Variants in TRAK1 observed in about 807,000 individuals in gnomAD.
TRAK1 encodes trafficking kinesin-binding protein 1.
A neutral mutation model predicts 92.1 loss-of-function variants in TRAK1; 33 were observed. The observed-to-expected ratio is 0.36, with a 90% CI of 0.27 to 0.48. The LOEUF is 0.48. Ranked by LOEUF, TRAK1 falls within the 20% of genes least tolerant of loss-of-function variation. TRAK1 has a pLI of 0.99. For missense variants in TRAK1, 1,123 were observed against 1,257.9 expected, an observed-to-expected ratio of 0.89 and a Z score of 1.62; for synonymous variants, 521 against 517.3, an observed-to-expected ratio of 1.01 and a Z score of -0.10.
intron 1 of TRAK1, among the ~76,000 whole-genome samples, chr3:42,037,342 A>T (rs1053625622): frequency 1.3e-5 from 2 of 152,038 alleles, no homozygotes; most frequent in African/African-American, 4.8e-5. Context: ...TGGCTTATGG[A>T]TTTTGTTTTC....
At chr3:42,060,027 T>A (rs1703362304) in intron 1 of TRAK1, among the ~76,000 whole-genome samples, 1 of 152,210 alleles carries the variant, frequency 6.6e-6, no homozygotes, top group Admixed American at 6.5e-5. Context: ...ATAAGAAATG[T>A]CTTTTCTTTT....
At chr3:42,192,400 A>ATTGCATTTCGTCAAAGTACTAAGTATT (rs1559905965) in intron 7 of TRAK1, among the ~76,000 whole-genome samples, 2 of 131,350 alleles carry the variant, frequency 1.5e-5, no homozygotes, top group South Asian at 4.7e-4. Context: ...TACTAAGTAT[A>ATTGCATTTCGTCAAAGTACTAAGTATT]TTGCATTTCG....
intron 10 of TRAK1, among the ~76,000 whole-genome samples, chr3:42,195,690 A>G (rs992869906): frequency 6.6e-6 from 1 of 152,152 alleles, no homozygotes; most frequent in Non-Finnish European, 1.5e-5. Context: ...AAGTCAGGCT[A>G]GAATAGCCAC....
At chr3:42,098,286 C>T (rs1011136524) in intron 1 of TRAK1, among the ~76,000 whole-genome samples, 1 of 152,042 alleles carries the variant, frequency 6.6e-6, no homozygotes, top group African/African-American at 2.4e-5. Context: ...AGAAGCTTTG[C>T]AGCATTCAGT....
At chr3:42,146,280 G>A (rs769216158) in intron 2 of TRAK1, 1 of 301,196 alleles carries the variant, frequency 3.3e-6, no homozygotes, top group Non-Finnish European at 6.8e-6. Context: ...TCACCCACTT[G>A]TCTTGCCATT....
At chr3:42,064,811 G>C (rs551034403) in intron 1 of TRAK1, among the ~76,000 whole-genome samples, 1 of 151,972 alleles carries the variant, frequency 6.6e-6, no homozygotes, top group South Asian at 2.1e-4. Context: ...CCAGCACTTT[G>C]GGAGGCCGAG....
rs1245906569 is a variant in TRAK1 at position 42,223,341 on chromosome 3, G to T, written c.2466G>T (p.Val822=). ...CAGCCAGCTCCATCCTGAGGGAAGT[G>T]AGAGAAAAGAACGTCCGCAGCAGCG... The part of the protein sequence containing the change: ...SKPASSILRE[V]REKNVRSSES... Residue 822 remains valine (V), a synonymous_variant, in exon 16 of 16, where the codon GTG becomes GTT. Transcript: ENST00000327628. This position sits in a 1 kb window ranked among gnomAD's most constrained non-coding sequence, Gnocchi z 6.1. 6.2e-7 allele frequency: 1 copy of T among 1,614,238 alleles called. No homozygotes were observed. The highest frequency in any genetic ancestry group is 8.5e-7 in the Non-Finnish European group (1 of 1,180,050).
intron 2 of TRAK1, among the ~76,000 whole-genome samples, chr3:42,134,309 C>T (rs987769710): frequency 2.6e-5 from 4 of 151,186 alleles, no homozygotes; most frequent in African/African-American, 9.7e-5. Context: ...CTTAATCTTG[C>T]TCTGTTGCCC....
At chr3:42,096,265 T>C (rs987461779) in intron 1 of TRAK1, among the ~76,000 whole-genome samples, 4 of 152,236 alleles carry the variant, frequency 2.6e-5, no homozygotes, top group Admixed American at 2.0e-4. Flanking sequence ...ATTTCTATCT[T>C]TTTTTGAGAT....
At chr3:42,077,331 C>T (rs1296438917) in intron 1 of TRAK1, among the ~76,000 whole-genome samples, 1 of 152,158 alleles carries the variant, frequency 6.6e-6, no homozygotes, top group African/African-American at 2.4e-5. Context: ...CTCTGTCATC[C>T]ACACTGGAGT....
intron 2 of TRAK1, among the ~76,000 whole-genome samples, chr3:42,139,483 G>A (rs1210683302): frequency 6.6e-6 from 1 of 152,146 alleles, no homozygotes; most frequent in Non-Finnish European, 1.5e-5. Context: ...CCGTCTTGGG[G>A]AAGTAATCAA....
chr3:42,054,491 G>A (rs768823381), intron 1 of TRAK1, among the ~76,000 whole-genome samples: 1 of 152,102 alleles, frequency 6.6e-6, no homozygotes, highest in African/African-American at 2.4e-5. Context: ...ACTCACCCCA[G>A]GTCACCTCAC....
rs762597842 is a variant in TRAK1 at position 42,223,653 on chromosome 3, T to C, written c.2778T>C (p.Ser926=). ...RNRSFPTMVG[S]SMQMKAPVTL... is the part of the protein sequence containing the mutation. ...GCAGCTTCCCCACCATGGTGGGATC[T>C]AGCATGCAGATGAAAGCTCCTGTGA... The change falls in exon 16 of 16, where the codon TCT becomes TCC. Residue 926 remains serine, a synonymous_variant. Coordinates refer to ENST00000327628, the MANE Select transcript of TRAK1 (RefSeq NM_001042646.3). The surrounding 1 kb of genome is among the most constrained non-coding windows in gnomAD (Gnocchi z 6.1). 4 of 1,614,004 alleles carry C rather than the reference T, an allele frequency of 2.5e-6. No individual in the cohort carries two copies. The highest frequency in any genetic ancestry group is 3.4e-6 in the Non-Finnish European group (4 of 1,180,030).
upstream of TRAK1, among the ~76,000 whole-genome samples, chr3:42,082,825 A>G (rs1431522176): frequency 1.3e-5 from 2 of 152,252 alleles, no homozygotes; most frequent in African/African-American, 2.4e-5. Context: ...TGAGGGTTCA[A>G]TTTGTTAATG....
chr3:42,199,771 TCC>T (rs1707262436), intron 11 of TRAK1, among the ~76,000 whole-genome samples: 3 of 152,372 alleles, frequency 2.0e-5, no homozygotes, highest in Admixed American at 6.5e-5. Flanking sequence ...GCCACTGTGC[TCC>T]TCTTCTTCTT....
chr3:42,157,295 CA>C (rs1700647984), intron 2 of TRAK1, among the ~76,000 whole-genome samples: 1 of 150,528 alleles, frequency 6.6e-6, no homozygotes, highest in Non-Finnish European at 1.5e-5. Flanking sequence ...CCTGTCTCTA[CA>C]AAAAATAAAA....
Position 42,063,196 on chromosome 3 carries a change from C to T in TRAK1, c.-518-23908C>T, listed in dbSNP as rs75969348. ...TCCATATTTTCTGACTGCCTTCCAG[C>T]TACAACTGCGGAATTGCAACGGAGA... On this transcript the variant is annotated intron_variant, in intron 1 of 16. Coordinates refer to the TRAK1 transcript ENST00000487159. 4.2e-3 allele frequency among the ~76,000 whole-genome samples: 633 copies of T among 152,380 alleles called. 3 individuals are homozygous for T. Among genetic ancestry groups the T allele is most frequent in the African/African-American group, 0.015 (611 of 41,594 alleles).
chr3:42,054,722 A>T (rs1389878531), intron 1 of TRAK1, among the ~76,000 whole-genome samples: 1 of 152,102 alleles, frequency 6.6e-6, no homozygotes, highest in Non-Finnish European at 1.5e-5. Context: ...GAAAAGTGGA[A>T]ATAACTTTTT....
intron 15 of TRAK1, among the ~76,000 whole-genome samples, chr3:42,222,606 C>T (rs1710464912): frequency 6.6e-6 from 1 of 152,180 alleles, no homozygotes. Flanking sequence ...ATTTAGAGTC[C>T]CTCAACTTGG....
Sources: gnomAD v4.1 joint callset for allele counts (sites outside exome capture counted in the v4.1 genomes callset) on GRCh38, gnomAD v4.1.1 for gene constraint, Gnocchi (gnomAD v3.1) non-coding constraint, MANE v1.5 for transcripts, NCBI Gene and HGNC (gene_info 2026-07-23, HGNC 2026-07-21) for gene names.